Variants in ATP6V0A4 observed in about 807,000 individuals in gnomAD.
The protein encoded by ATP6V0A4 is ATPase H+ transporting V0 subunit a4.
In ATP6V0A4, 86 loss-of-function variants were observed where a neutral mutation model predicts 107.3. The observed-to-expected ratio is 0.80, with a 90% CI of 0.67 to 0.96. ATP6V0A4 has a LOEUF of 0.96. Ranked by LOEUF, ATP6V0A4 falls within the 40% of genes least tolerant of loss-of-function variation. The pLI is 0.00. For missense variants in ATP6V0A4, 908 were observed against 1,045.6 expected (o/e 0.87, Z 1.81); for synonymous variants, 353 against 381.4 (o/e 0.93, Z 0.87).
chr7:138,756,631 T>C, intron 8 of ATP6V0A4, 91 bp from the exon 9 acceptor site: 1 of 1,483,246 alleles, frequency 6.7e-7, no homozygotes, highest in Non-Finnish European at 9.2e-7. Context: ...GTTTTTAGGC[T>C]TACACAATTC....
At position 138,759,753 on chromosome 7, in the gene ATP6V0A4, G is replaced by T. The variant is rs539497353; in HGVS notation, c.638C>A (p.Thr213Lys). The change falls in exon 8 of 22, where the codon ACG becomes AAG. Residue 213 changes from threonine (T) to lysine (K), a missense_variant and splice_region_variant. Physicochemically the swap from Thr to Lys is moderately conservative, Grantham distance 78. Coordinates refer to ENST00000310018, the MANE Select transcript of ATP6V0A4 (RefSeq NM_020632.3). ...EMDAPLEDPV[T>K]KEEIQKNIFI... ...GTTTTTGCAGCCCAAGGTTCCCACC[G>T]TCACAGGATCCTCCAGAGGGGCGTC... 3.1e-6 allele frequency: 5 copies of T among 1,614,084 alleles called. No individual in the cohort carries two copies. Among genetic ancestry groups the T allele is most frequent in the Non-Finnish European group, 4.2e-6 (5 of 1,180,012 alleles).
At chr7:138,750,621 G>A (rs1435516411) in intron 11 of ATP6V0A4, among the ~76,000 whole-genome samples, 2 of 152,208 alleles carry the variant, frequency 1.3e-5, no homozygotes, top group Non-Finnish European at 2.9e-5. Context: ...CCAGCTGGAC[G>A]AGTGCTCACG....
rs748304353 is a variant in ATP6V0A4, at chr7:138,759,763, C to G, written c.628G>C (p.Asp210His). ...CCCAAGGTTCCCACCGTCACAGGAT[C>G]CTCCAGAGGGGCGTCCATCTCACTG... is the stretch of plus-strand genomic sequence containing the variant. ...KFSEMDAPLE[D>H]PVTKEEIQKN... Residue 210 changes from aspartate to histidine, a missense_variant, in exon 8 of 22, where the codon GAT (aspartate) becomes CAT (histidine). Coordinates refer to ENST00000310018, the MANE Select transcript of ATP6V0A4 (RefSeq NM_020632.3). 5 of 1,614,174 alleles carry G rather than the reference C, an allele frequency of 3.1e-6. No individual in the cohort carries two copies. The highest frequency in any genetic ancestry group is 4.2e-6 in the Non-Finnish European group (5 of 1,180,036).
Position 138,747,722 on chromosome 7 carries a change from C to A in ATP6V0A4, c.1181-158G>T, listed in dbSNP as rs1806026395. The A allele has an allele frequency of 2.5e-6, 3 of 1,201,192 alleles. No individual in the cohort carries two copies. In the East Asian group the frequency reaches 7.8e-5, roughly 31 times the overall value. The allele number at this position is 1,201,192 out of a possible 1,614,324, so 74.4% of individuals were successfully genotyped here. ...CCTACCCTGACACATGCTTAGCTGC[C>A]ACATAAATGAGTGCATCTGTTCCTA... On this transcript the variant is annotated intron_variant, in intron 12 of 21. Transcript: ENST00000310018.
chr7:138,729,198 C>A (rs547623411), intron 17 of ATP6V0A4, among the ~76,000 whole-genome samples: 9 of 152,192 alleles, frequency 5.9e-5, no homozygotes, highest in African/African-American at 2.2e-4. Context: ...AACTCTGTCC[C>A]ATGGGGGTCG....
chr7:138,774,617 A>AATATATACATTAT (rs1807559715), intron 2 of ATP6V0A4, among the ~76,000 whole-genome samples: 1 of 53,532 alleles, frequency 1.9e-5, no homozygotes, highest in East Asian at 4.2e-4. Context: ...CTATATATAT[A>AATATATACATTAT]ATATATTATA....
intron 16 of ATP6V0A4, 165 bp from the exon 17 acceptor site, chr7:138,733,258 A>G (rs1450642351): frequency 3.2e-6 from 2 of 625,972 alleles, no homozygotes; most frequent in East Asian, 1.9e-4. Flanking sequence ...GCAATCCTGT[A>G]TGGATGCATA....
At chr7:138,796,545 G>A (rs1407468220) in intron 1 of ATP6V0A4, among the ~76,000 whole-genome samples, 1 of 152,098 alleles carries the variant, frequency 6.6e-6, no homozygotes, top group Non-Finnish European at 1.5e-5. Flanking sequence ...CAGGCTGTGT[G>A]CACACAGACG....
At chr7:138,779,001 C>T (rs553291814) in intron 2 of ATP6V0A4, among the ~76,000 whole-genome samples, 5 of 152,206 alleles carry the variant, frequency 3.3e-5, no homozygotes, top group Admixed American at 2.0e-4. Flanking sequence ...GTGGGAGAAA[C>T]GCTCTACCCA....
In ATP6V0A4 at chr7:138,720,021, T is replaced by C. The variant is rs1447897976; in HGVS notation, c.2139+1876A>G. 3.5e-5 allele frequency among the ~76,000 whole-genome samples: 5 copies of C among 144,790 alleles called. No homozygotes were observed. The East Asian group carries it at 8.1e-4, about 23-fold the overall frequency. 95.0% of individuals were successfully genotyped at this position (144,790 alleles called of 152,430 possible). A position where few individuals can be genotyped will look rare whatever the true frequency, so the allele number is the denominator to read the frequency against. On this transcript the variant is annotated intron_variant, in intron 19 of 21. Coordinates refer to ENST00000310018, the MANE Select transcript of ATP6V0A4 (RefSeq NM_020632.3). ...GCCTGGGCAATAGGGCAAGACTCTGTCTCAAAAAAAAAAAACAAAAACAAC... is the reference window on the plus strand; with the variant it reads ...GCCTGGGCAATAGGGCAAGACTCTGCCTCAAAAAAAAAAAACAAAAACAAC...
In ATP6V0A4 at chr7:138,737,115, A is replaced by ATATATATATATATAT. The variant is rs540225443; in HGVS notation, c.1572+2424_1572+2425insATATATATATATATA. 3.1e-3 allele frequency among the ~76,000 whole-genome samples: 268 copies of ATATATATATATATAT among 86,550 alleles called. 39 individuals are homozygous for ATATATATATATATAT. The highest frequency in any genetic ancestry group is 8.0e-3 in the East Asian group (11 of 1,374). 56.8% of individuals were successfully genotyped at this position (86,550 alleles called of 152,430 possible). ...GTTATGTAAAAAGTAAGCCCTTATT[A>ATATATATATATATAT]ATATATATATATGATACAAACTAAC... On this transcript the variant is annotated intron_variant, in intron 15 of 21. Coordinates refer to ENST00000310018, the MANE Select transcript of ATP6V0A4 (RefSeq NM_020632.3).
Position 138,731,832 on chromosome 7 carries a change from G to A in ATP6V0A4, c.1908+1045C>T, listed in dbSNP as rs767253505. Among the ~76,000 whole-genome samples the A allele has an allele frequency of 3.9e-5, 6 of 151,992 alleles. No homozygotes were observed. The East Asian group carries it at 9.7e-4, about 24-fold the overall frequency. On this transcript the variant is annotated intron_variant, in intron 17 of 21. Transcript: ENST00000310018. ...CACTTGAACCCAGGAGGCGGAGGTCGCAATGAGCCAAGATCGTGCCACTGC... is the reference window on the plus strand; with the variant it reads ...CACTTGAACCCAGGAGGCGGAGGTCACAATGAGCCAAGATCGTGCCACTGC...
chr7:138,750,014 C>A (rs1459755243), intron 11 of ATP6V0A4, among the ~76,000 whole-genome samples: 1 of 152,180 alleles, frequency 6.6e-6, no homozygotes, highest in African/African-American at 2.4e-5. Context: ...ATTGCTCAAG[C>A]ACTCTTTTAA....
intron 15 of ATP6V0A4, 71 bp downstream of exon 15, chr7:138,739,469 T>A: frequency 6.4e-7 from 1 of 1,567,826 alleles, no homozygotes; most frequent in Non-Finnish European, 8.7e-7. Context: ...TGTTGGCCTT[T>A]TCTTCTCTCT....
At position 138,782,945 on chromosome 7, in the gene ATP6V0A4, G is replaced by C. The variant is rs1807988804; in HGVS notation, c.-18+3213C>G. 2.0e-5 allele frequency among the ~76,000 whole-genome samples: 3 copies of C among 152,034 alleles called. No homozygotes were observed. In the South Asian group the frequency reaches 6.2e-4, roughly 32 times the overall value. On this transcript the variant is annotated intron_variant, in intron 2 of 21. Transcript: ENST00000310018. ...CAAAAATTAGCTGGGCGTGGTAGCA[G>C]ATGCCTGTAATCCCAGCTACTCGGG...
Position 138,798,185 on chromosome 7 carries a change from A to G in ATP6V0A4, c.-272T>C. ...CCTCCCTCCACTCGGCTTGCTCGGC[A>G]GGTAGCGTTATGAGCTTTATTCATG... On this transcript the variant is annotated 5_prime_UTR_variant, in exon 1 of 22. Transcript: ENST00000310018. The G allele has an allele frequency of 6.3e-7, 1 of 1,589,208 alleles. No homozygotes were observed.
intron 1 of ATP6V0A4, 148 bp downstream of exon 1, chr7:138,797,886 G>C: frequency 8.7e-7 from 1 of 1,145,594 alleles, no homozygotes. Context: ...CTCAGCCAAC[G>C]GTTTGGCTTC....
chr7:138,793,691 C>A (rs1003919193), intron 1 of ATP6V0A4, among the ~76,000 whole-genome samples: 1 of 152,020 alleles, frequency 6.6e-6, no homozygotes, highest in Non-Finnish European at 1.5e-5. Flanking sequence ...AACTAAGCTA[C>A]AAATCAATAA....
At chr7:138,719,498 C>CATCAGTCAATCA (rs2117207123) in intron 19 of ATP6V0A4, among the ~76,000 whole-genome samples, 1 of 152,294 alleles carries the variant, frequency 6.6e-6, no homozygotes, top group African/African-American at 2.4e-5. Flanking sequence ...ACCAATCAAT[C>CATCAGTCAATCA]ATCAGTCAAT....
Sources: allele counts gnomAD v4.1 joint callset (sites outside exome capture counted in the v4.1 genomes callset), GRCh38; gene constraint gnomAD v4.1.1; transcripts MANE v1.5; gene names NCBI Gene and HGNC (gene_info 2026-07-23, HGNC 2026-07-21).